The following NTM variants were observed in gnomAD, a reference collection of about 807,000 sequenced individuals.
The protein encoded by NTM is IgLON family member 2.
A neutral mutation model predicts 42.1 loss-of-function variants in NTM; 13 were observed. The observed-to-expected ratio is 0.31, with a 90% CI of 0.20 to 0.49. The LOEUF (loss-of-function observed/expected upper bound fraction) is 0.49. Among genes scored for constraint, NTM ranks in the 20% least tolerant of loss-of-function variants. NTM has a pLI of 0.99. For synonymous variants in NTM, 187 were observed against 179.2 expected, an observed-to-expected ratio of 1.04 and a Z score of -0.35; for missense variants, 373 against 452.8, an observed-to-expected ratio of 0.82 and a Z score of 1.60.
intron 1 of NTM, among the ~76,000 whole-genome samples, chr11:131,769,979 A>G (rs1477639567): frequency 6.6e-6 from 1 of 152,158 alleles, no homozygotes; most frequent in African/African-American, 2.4e-5. Flanking sequence ...ATGCTCAGGA[A>G]GTCCCCCAGG....
chr11:131,649,773 A>G, intron 1 of NTM, among the ~76,000 whole-genome samples: 1 of 152,146 alleles, frequency 6.6e-6, no homozygotes, highest in Non-Finnish European at 1.5e-5. Context: ...ATGAATAACC[A>G]ATAATTTTGT....
intron 4 of NTM, among the ~76,000 whole-genome samples, chr11:132,268,311 A>G (rs370233395): frequency 6.6e-6 from 1 of 152,184 alleles, no homozygotes; most frequent in Non-Finnish European, 1.5e-5. Flanking sequence ...GCACTCTGCT[A>G]GCTACGTATA....
At chr11:131,923,005 T>C (rs1301805319) in intron 2 of NTM, among the ~76,000 whole-genome samples, 1 of 152,132 alleles carries the variant, frequency 6.6e-6, no homozygotes, top group African/African-American at 2.4e-5. Flanking sequence ...GGATCTGCTA[T>C]AAACTTATGG....
chr11:132,010,025 G>A (rs1348628148), intron 2 of NTM, among the ~76,000 whole-genome samples: 3 of 152,188 alleles, frequency 2.0e-5, no homozygotes, highest in Non-Finnish European at 4.4e-5. Flanking sequence ...CATGAGTGAA[G>A]AAAATGGACA....
intron 2 of NTM, among the ~76,000 whole-genome samples, chr11:131,953,545 AC>A (rs2061248977): frequency 1.3e-5 from 2 of 152,230 alleles, no homozygotes; most frequent in Non-Finnish European, 2.9e-5. Context: ...AGACAATTTT[AC>A]CACCTGATCC....
intron 4 of NTM, among the ~76,000 whole-genome samples, chr11:132,216,114 C>G (rs2083804470): frequency 6.6e-6 from 1 of 152,220 alleles, no homozygotes; most frequent in Non-Finnish European, 1.5e-5. Flanking sequence ...CCCTTAAACT[C>G]TCAGCTTTCT....
chr11:131,509,714 A>G (rs1231555062), intron 1 of NTM, among the ~76,000 whole-genome samples: 1 of 152,244 alleles, frequency 6.6e-6, no homozygotes, highest in Non-Finnish European at 1.5e-5. Flanking sequence ...GCAGTGTCTT[A>G]GTCCATCCTT....
At chr11:131,606,095 G>A (rs1313860463) in intron 1 of NTM, among the ~76,000 whole-genome samples, 2 of 152,118 alleles carry the variant, frequency 1.3e-5, no homozygotes, top group South Asian at 2.1e-4. Context: ...TCAGGCTGGA[G>A]TGCAGTGGTG....
intron 2 of NTM, among the ~76,000 whole-genome samples, chr11:132,047,647 C>T (rs1356985143): frequency 6.6e-6 from 1 of 152,242 alleles, no homozygotes; most frequent in Non-Finnish European, 1.5e-5. Flanking sequence ...AGCCATAGCT[C>T]TGTTCTTGAC....
chr11:131,747,031 T>A (rs2081912469), intron 1 of NTM, among the ~76,000 whole-genome samples: 2 of 152,188 alleles, frequency 1.3e-5, no homozygotes, highest in Admixed American at 1.3e-4. Flanking sequence ...ACATACATAT[T>A]TTTTAATAAA....
At chr11:131,758,305 G>A (rs2083611040) in intron 1 of NTM, among the ~76,000 whole-genome samples, 1 of 151,188 alleles carries the variant, frequency 6.6e-6, no homozygotes, top group Non-Finnish European at 1.5e-5. Flanking sequence ...AAACTCTGAT[G>A]ATGTGGGCTA....
intron 3 of NTM, among the ~76,000 whole-genome samples, chr11:132,155,108 C>A (rs1476983843): frequency 6.6e-6 from 1 of 152,094 alleles, no homozygotes. Flanking sequence ...GCACAATGAA[C>A]CCGGTGTTGG....
rs1446343948 is a variant in NTM, at chr11:131,509,322, C to G, written c.82+138434C>G. Among the ~76,000 whole-genome samples, 3 of 152,156 alleles carry G rather than the reference C, an allele frequency of 2.0e-5. 1 individual carries two copies. In the South Asian group the frequency reaches 6.2e-4, roughly 32 times the overall value. On this transcript the variant is annotated intron_variant, in intron 1 of 8. Transcript: ENST00000683400. The stretch of plus-strand genomic sequence containing the variant: ...CTGCATGGGCTCACTCCCAATAACT[C>G]CGCTTTGGTCTCCCTTTACTCTGTC...
intron 4 of NTM, among the ~76,000 whole-genome samples, chr11:132,277,506 T>A (rs2093775532): frequency 2.0e-5 from 3 of 152,188 alleles, no homozygotes; most frequent in Admixed American, 1.3e-4. Context: ...CTTTTCTTCT[T>A]TTCCCTTATA....
In NTM at chr11:131,910,809, CGG is replaced by C; in HGVS notation, c.83-754_83-753del. 3.0e-6 allele frequency: 3 copies of C among 984,348 alleles called. No homozygotes were observed. In the South Asian group the frequency reaches 1.4e-4, roughly 46 times the overall value. The allele number at this position is 984,348 out of a possible 1,614,324, so 61.0% of individuals were successfully genotyped here. A position where few individuals can be genotyped will look rare whatever the true frequency, so the allele number is the denominator to read the frequency against. On this transcript the variant is annotated intron_variant, in intron 1 of 8. Transcript: ENST00000683400. ...CAGCCCCTGCCCCGCCGAGCCCCGC[CGG>C]ACAGCGGCGGCCGCAGCGCGCATTT...
intron 2 of NTM, among the ~76,000 whole-genome samples, chr11:132,067,772 AG>A (rs1372736225): frequency 6.6e-6 from 1 of 152,172 alleles, no homozygotes; most frequent in African/African-American, 2.4e-5. Context: ...CTGGTTCCAA[AG>A]CTCAGCCCTC....
chr11:131,978,041 G>A, intron 2 of NTM, among the ~76,000 whole-genome samples: 1 of 152,202 alleles, frequency 6.6e-6, no homozygotes, highest in East Asian at 1.9e-4. Context: ...TCAGAAGAAG[G>A]CTCTGTGGTC....
chr11:132,249,045 C>T (rs1448888858), intron 4 of NTM, among the ~76,000 whole-genome samples: 1 of 152,216 alleles, frequency 6.6e-6, no homozygotes, highest in Non-Finnish European at 1.5e-5. Context: ...GAACATGCTC[C>T]ACACACTTCC....
At chr11:131,773,788 T>TAGTAACCTGACTGTGTTCCAA (rs1704776517) in intron 1 of NTM, among the ~76,000 whole-genome samples, 1 of 152,216 alleles carries the variant, frequency 6.6e-6, no homozygotes, top group Admixed American at 6.5e-5. Flanking sequence ...CAGGAGTGGT[T>TAGTAACCTGACTGTGTTCCAA]AGTAACCTGA....
Sources: allele counts gnomAD v4.1 joint callset (sites outside exome capture counted in the v4.1 genomes callset), GRCh38; gene constraint gnomAD v4.1.1; transcripts MANE v1.5; gene names NCBI Gene and HGNC (gene_info 2026-07-23, HGNC 2026-07-21).